Variants in DCAF6 observed in about 807,000 individuals in gnomAD.
The protein encoded by DCAF6 is DDB1- and CUL4-associated factor 6.
In DCAF6, 54 loss-of-function variants were observed where a neutral mutation model predicts 125.1. The observed-to-expected ratio is 0.43, with a 90% CI of 0.35 to 0.54. DCAF6 has a LOEUF of 0.54. DCAF6 is among the 20% of genes least tolerant of loss of function. The probability of loss-of-function intolerance (pLI) is 0.01; values close to 1 mark genes in which losing one functional copy is unlikely to be tolerated. For synonymous variants in DCAF6, 371 were observed against 390.4 expected (o/e 0.95, Z 0.58); for missense variants, 934 against 1,161.7 (o/e 0.80, Z 2.85).
intron 16 of DCAF6, among the ~76,000 whole-genome samples, chr1:168,046,339 A>C (rs1689149432): frequency 6.6e-6 from 1 of 152,170 alleles, no homozygotes; most frequent in Non-Finnish European, 1.5e-5. Context: ...CTATGAGGCC[A>C]CTTTAATTTT....
At chr1:167,893,205 A>ACCAATG in the DCAF6 span, among the ~76,000 whole-genome samples, 1 of 152,216 alleles carries the variant, frequency 6.6e-6, no homozygotes, top group South Asian at 2.1e-4. Flanking sequence ...GAAATAGTGT[A>ACCAATG]CCAATGTTCA....
intron 7 of DCAF6, among the ~76,000 whole-genome samples, chr1:168,000,855 G>A (rs149441571): frequency 7.9e-5 from 12 of 152,210 alleles, no homozygotes; most frequent in Admixed American, 1.3e-4. Context: ...GATGAGTGGG[G>A]AGTGGCTGAT....
chr1:168,057,037 T>C (rs1045729363), intron 17 of DCAF6, among the ~76,000 whole-genome samples: 4 of 152,236 alleles, frequency 2.6e-5, no homozygotes, highest in Non-Finnish European at 5.9e-5. Flanking sequence ...GTTTGGTAAC[T>C]GAATTACTTA....
At chr1:167,919,907 C>CAA in the DCAF6 span, 1,294 of 879,046 alleles carry the variant, frequency 1.5e-3, no homozygotes, top group Non-Finnish European at 1.7e-3. Flanking sequence ...GACCCCGTCT[C>CAA]AAAAAAAAAA....
At position 168,057,417 on chromosome 1, in the gene DCAF6, A is replaced by G. The variant is rs116732894; in HGVS notation, c.2301-6204A>G. Among the ~76,000 whole-genome samples the G allele has an allele frequency of 6.0e-3, 913 of 152,336 alleles. 3 individuals are homozygous for G. Among genetic ancestry groups the G allele is most frequent in the Non-Finnish European group, 9.4e-3 (639 of 68,036 alleles). ...TGGAATATGCAATAGTAAAATACAAAGTCAGGAGTCTAGGTTTTATTTTCT... is the reference window on the plus strand; with the variant it reads ...TGGAATATGCAATAGTAAAATACAAGGTCAGGAGTCTAGGTTTTATTTTCT... On this transcript the variant is annotated intron_variant, in intron 17 of 21. Transcript: ENST00000367840.
chr1:168,028,770 T>A (rs1038719738), intron 12 of DCAF6, among the ~76,000 whole-genome samples: 1 of 152,142 alleles, frequency 6.6e-6, no homozygotes, highest in Non-Finnish European at 1.5e-5. Flanking sequence ...TATCACCAAA[T>A]TGAAATTTCA....
At chr1:168,010,009 T>G (rs532654623) in intron 10 of DCAF6, among the ~76,000 whole-genome samples, 16 of 152,282 alleles carry the variant, frequency 1.1e-4, no homozygotes, top group African/African-American at 3.6e-4. Flanking sequence ...ATAGGGTATA[T>G]TTAGCTTTAT....
chr1:167,920,416 A>G, the DCAF6 span: 40 of 940,532 alleles, frequency 4.3e-5, no homozygotes, highest in South Asian at 6.6e-4. Context: ...ATAACTTCCT[A>G]GACATAATAC....
intron 1 of DCAF6, among the ~76,000 whole-genome samples, chr1:167,948,779 G>A (rs1209745345): frequency 1.3e-5 from 2 of 152,096 alleles, no homozygotes; most frequent in African/African-American, 4.8e-5. Context: ...AGCCTCCCGA[G>A]TAGCTGGGAC....
intron 1 of DCAF6, among the ~76,000 whole-genome samples, chr1:167,951,388 C>A (rs73024138): frequency 0.14 from 21,595 of 151,930 alleles, 1,962 homozygotes; most frequent in African/African-American, 0.26. Context: ...CAGCCTGGCC[C>A]ACATGATGAA....
the DCAF6 span, chr1:167,880,072 G>T: frequency 6.5e-7 from 1 of 1,549,298 alleles, no homozygotes; most frequent in Non-Finnish European, 8.9e-7. Flanking sequence ...GCAAGGTGCT[G>T]TGTTTGCAGA....
intron 7 of DCAF6, among the ~76,000 whole-genome samples, chr1:168,001,679 T>C (rs10918808): frequency 0.14 from 21,035 of 151,996 alleles, 1,935 homozygotes; most frequent in African/African-American, 0.26. Context: ...TTTAGCATGC[T>C]GTGGCAAAGA....
chr1:167,975,433 A>G (rs1005110812), intron 4 of DCAF6, among the ~76,000 whole-genome samples: 6 of 152,236 alleles, frequency 3.9e-5, no homozygotes, highest in Admixed American at 3.9e-4. Context: ...TAGACAAAAG[A>G]ATCAGATTCC....
At chr1:167,870,638 C>CAAA in the DCAF6 span, among the ~76,000 whole-genome samples, 3,176 of 93,644 alleles carry the variant, frequency 0.034, 162 homozygotes, top group African/African-American at 0.13. Context: ...ACTGAAAATA[C>CAAA]AAAAAAAAAA....
At chr1:167,899,774 G>A in the DCAF6 span, 1 of 774,234 alleles carries the variant, frequency 1.3e-6, no homozygotes, top group Non-Finnish European at 2.2e-6. Flanking sequence ...AGGAATTATG[G>A]CATACCTCTT....
intron 2 of DCAF6, among the ~76,000 whole-genome samples, chr1:167,958,996 A>G (rs1320342270): frequency 1.3e-5 from 2 of 152,184 alleles, no homozygotes; most frequent in African/African-American, 4.8e-5. Flanking sequence ...TATCATGTGG[A>G]GTTGTTTCAC....
the DCAF6 span, among the ~76,000 whole-genome samples, chr1:167,919,478 T>C: frequency 2.6e-5 from 4 of 152,304 alleles, no homozygotes; most frequent in Non-Finnish European, 5.9e-5. Flanking sequence ...ACTGAGTAAA[T>C]AGTTTAAAAA....
At chr1:167,882,836 T>G in the DCAF6 span, among the ~76,000 whole-genome samples, 1 of 152,170 alleles carries the variant, frequency 6.6e-6, no homozygotes, top group Non-Finnish European at 1.5e-5. Flanking sequence ...TCTCGCCTTG[T>G]CCTGGTATCC....
chr1:167,971,917 G>A (rs149600761), intron 3 of DCAF6, among the ~76,000 whole-genome samples: 102 of 151,996 alleles, frequency 6.7e-4, no homozygotes, highest in Non-Finnish European at 1.0e-3. Flanking sequence ...GTGCAGTGGC[G>A]TATTCTCAGC....
Sources: gnomAD v4.1 joint callset for allele counts (sites outside exome capture counted in the v4.1 genomes callset) on GRCh38, gnomAD v4.1.1 for gene constraint, MANE v1.5 for transcripts, NCBI Gene and HGNC (gene_info 2026-07-23, HGNC 2026-07-21) for gene names.